Variants in NDST4 observed in about 807,000 individuals in gnomAD.
NDST4 encodes N-heparan sulfate sulfotransferase 4.
Under a neutral mutation model 100.8 loss-of-function variants are expected in NDST4, and 63 were observed. That is an observed-to-expected ratio of 0.62 (90% CI 0.51 to 0.77). NDST4 has a LOEUF of 0.77. Ranked by LOEUF, NDST4 falls within the 30% of genes least tolerant of loss-of-function variation. The probability of loss-of-function intolerance (pLI) is 0.00; values close to 1 mark genes in which losing one functional copy is unlikely to be tolerated. For synonymous variants in NDST4, 377 were observed against 361.8 expected (o/e 1.04, Z -0.48); for missense variants, 943 against 1,018.4 (o/e 0.93, Z 1.01).
At chr4:115,001,394 G>GAGAGC (rs1491286018) in intron 2 of NDST4, among the ~76,000 whole-genome samples, 1 of 152,060 alleles carries the variant, frequency 6.6e-6, no homozygotes, top group African/African-American at 2.4e-5. Flanking sequence ...TAATGCTGCG[G>GAGAGC]AGAGCACAAC....
chr4:115,073,384 T>C (rs1484224982), intron 2 of NDST4, among the ~76,000 whole-genome samples: 1 of 152,002 alleles, frequency 6.6e-6, no homozygotes, highest in East Asian at 1.9e-4. Flanking sequence ...TTAAGCATTA[T>C]TTACAATAGC....
At chr4:115,083,462 AAC>A (rs1005603407) in intron 1 of NDST4, among the ~76,000 whole-genome samples, 2 of 152,188 alleles carry the variant, frequency 1.3e-5, no homozygotes, top group African/African-American at 4.8e-5. Flanking sequence ...CCTGTCTGGA[AAC>A]ACACAAAAAC....
intron 2 of NDST4, among the ~76,000 whole-genome samples, chr4:114,995,095 C>T (rs1727130739): frequency 6.6e-6 from 1 of 151,938 alleles, no homozygotes; most frequent in South Asian, 2.1e-4. Context: ...CTAGAATCCC[C>T]AAGAAGCATT....
chr4:114,941,347 T>C (rs895418698), intron 4 of NDST4, among the ~76,000 whole-genome samples: 1 of 144,692 alleles, frequency 6.9e-6, no homozygotes, highest in Non-Finnish European at 1.5e-5. Flanking sequence ...TCCCCTCCCC[T>C]CCCCAAAGTA....
chr4:115,031,776 T>C (rs967905605), intron 2 of NDST4, among the ~76,000 whole-genome samples: 31 of 152,100 alleles, frequency 2.0e-4, no homozygotes, highest in African/African-American at 7.5e-4. Context: ...TTCCCTTTTA[T>C]AAACTAGAAT....
At chr4:115,005,259 A>G (rs1421472532) in intron 2 of NDST4, among the ~76,000 whole-genome samples, 1 of 152,182 alleles carries the variant, frequency 6.6e-6, no homozygotes, top group East Asian at 1.9e-4. Flanking sequence ...CAGAGGAGAC[A>G]GTCTATAGAC....
In NDST4 at chr4:114,978,352, T is replaced by C. The variant is rs567170356; in HGVS notation, c.979-1078A>G. On this transcript the variant is annotated intron_variant, in intron 2 of 13. Transcript: ENST00000264363. ...AACCTAACTGTTTATTCCTTTACAA[T>C]GAAAGGAGTCTCCTGTACATTAGTT... 7.1e-4 allele frequency among the ~76,000 whole-genome samples: 108 copies of C among 152,060 alleles called. 1 individual carries two copies. Among genetic ancestry groups the C allele is most frequent in the East Asian group, 5.8e-4 (3 of 5,178 alleles).
At chr4:115,050,308 C>A (rs936490511) in intron 2 of NDST4, among the ~76,000 whole-genome samples, 9 of 151,980 alleles carry the variant, frequency 5.9e-5, no homozygotes, top group Admixed American at 2.0e-4. Context: ...ACAAATATTG[C>A]AAAGTGACCT....
chr4:114,905,467 T>C (rs1390042520), intron 6 of NDST4, among the ~76,000 whole-genome samples: 1 of 151,970 alleles, frequency 6.6e-6, no homozygotes, highest in Non-Finnish European at 1.5e-5. Flanking sequence ...AACAGAGTTC[T>C]GTTTTTAAAA....
chr4:115,070,871 G>A (rs1328651135), intron 2 of NDST4, among the ~76,000 whole-genome samples: 8 of 152,128 alleles, frequency 5.3e-5, no homozygotes, highest in South Asian at 4.1e-4. Context: ...TTGGGAGACC[G>A]AGGTGGGTGA....
chr4:114,976,349 A>G (rs138363614), intron 3 of NDST4, among the ~76,000 whole-genome samples: 2 of 152,202 alleles, frequency 1.3e-5, no homozygotes, highest in African/African-American at 4.8e-5. Context: ...GAAGCAGATT[A>G]TAGGTATTCC....
At chr4:115,058,412 G>A (rs1018291299) in intron 2 of NDST4, among the ~76,000 whole-genome samples, 1 of 152,064 alleles carries the variant, frequency 6.6e-6, no homozygotes, top group African/African-American at 2.4e-5. Context: ...ACTACAACAA[G>A]GGCTTTCAAG....
intron 2 of NDST4, among the ~76,000 whole-genome samples, chr4:115,037,710 T>C: frequency 6.6e-6 from 1 of 152,076 alleles, no homozygotes; most frequent in Non-Finnish European, 1.5e-5. Flanking sequence ...TAACTACCAA[T>C]AAAAAGCTAA....
chr4:114,862,069 T>A (rs1723929614), intron 7 of NDST4, among the ~76,000 whole-genome samples: 2 of 152,202 alleles, frequency 1.3e-5, no homozygotes, highest in Admixed American at 6.5e-5. Flanking sequence ...TCTTCTTTAT[T>A]GCTACAACCC....
chr4:114,971,435 T>TG (rs1376808188), intron 3 of NDST4, among the ~76,000 whole-genome samples: 3 of 152,116 alleles, frequency 2.0e-5, no homozygotes, highest in Non-Finnish European at 2.9e-5. Context: ...TTAATTATAT[T>TG]GCAGCTATCC....
intron 4 of NDST4, among the ~76,000 whole-genome samples, chr4:114,969,687 A>C (rs1726465952): frequency 1.3e-5 from 2 of 152,126 alleles, no homozygotes; most frequent in Admixed American, 1.3e-4. Context: ...TGGTGTATAT[A>C]TGGACCACAT....
intron 1 of NDST4, among the ~76,000 whole-genome samples, chr4:115,086,171 T>C (rs747212298): frequency 2.0e-5 from 3 of 152,166 alleles, no homozygotes; most frequent in Non-Finnish European, 2.9e-5. Context: ...CCAATATTGA[T>C]TAAATAGTAG....
intron 4 of NDST4, among the ~76,000 whole-genome samples, chr4:114,964,301 A>G (rs1726332818): frequency 6.6e-6 from 1 of 152,184 alleles, no homozygotes; most frequent in Admixed American, 6.5e-5. Context: ...GAGCCTTGAA[A>G]TGACTGCCAC....
chr4:114,834,219 G>A (rs1242004856), intron 11 of NDST4, among the ~76,000 whole-genome samples: 1 of 151,948 alleles, frequency 6.6e-6, no homozygotes, highest in Admixed American at 6.6e-5. Context: ...ATTGTCAAAG[G>A]AATACTGGAA....
Sources: allele counts gnomAD v4.1 joint callset (sites outside exome capture counted in the v4.1 genomes callset), GRCh38; gene constraint gnomAD v4.1.1; transcripts MANE v1.5; gene names NCBI Gene and HGNC (gene_info 2026-07-23, HGNC 2026-07-21).